Variants in CFAP161 observed in about 807,000 individuals in gnomAD.
CFAP161 encodes the protein cilia- and flagella-associated protein 161.
CFAP161 carries 25 observed loss-of-function variants against 29.0 expected under a neutral mutation model. The observed-to-expected ratio is 0.86, with a 90% CI of 0.63 to 1.20. CFAP161 has a LOEUF of 1.20. Among genes scored for constraint, CFAP161 ranks in the 50% most tolerant of loss-of-function variants. The pLI, the probability that CFAP161 is intolerant of heterozygous loss-of-function variation, is 0.00. For missense variants in CFAP161, 367 were observed against 371.9 expected (o/e 0.99, Z 0.11); for synonymous variants, 116 against 137.4 (o/e 0.84, Z 1.09).
At chr15:81,136,798 T>C (rs1452434307) in intron 3 of CFAP161, 50 bp downstream of exon 3, 3 of 1,502,324 alleles carry the variant, frequency 2.0e-6, no homozygotes, top group East Asian at 2.3e-5. Flanking sequence ...TATGTTTCAC[T>C]TGTAGCTTAA....
chr15:81,134,106 GT>G (rs1894763508), upstream of CFAP161: 7 of 542,932 alleles, frequency 1.3e-5, no homozygotes, highest in South Asian at 1.4e-4. Context: ...CCACCCTGCA[GT>G]TAAGGAAATC....
intron 5 of CFAP161, 72 bp from the exon 6 acceptor site, chr15:81,147,786 G>T: frequency 3.4e-6 from 4 of 1,183,514 alleles, no homozygotes; most frequent in Admixed American, 2.6e-5. Flanking sequence ...TTTGCTTTTA[G>T]GTAAGCTTTT....
intron 1 of CFAP161, among the ~76,000 whole-genome samples, chr15:81,114,634 T>G (rs1030143221): frequency 1.3e-5 from 2 of 152,206 alleles, no homozygotes; most frequent in Non-Finnish European, 2.9e-5. Flanking sequence ...TAAGTGCATA[T>G]TCATGGAGGT....
At chr15:81,105,094 C>CTCCT (rs1211210981) in intron 1 of CFAP161, among the ~76,000 whole-genome samples, 33 of 78,820 alleles carry the variant, frequency 4.2e-4, no homozygotes, top group Non-Finnish European at 6.7e-4. Context: ...TTTCTTTTCC[C>CTCCT]TCCCTCCCTC....
At chr15:81,106,360 C>T (rs903107028) in intron 1 of CFAP161, among the ~76,000 whole-genome samples, 37 of 152,300 alleles carry the variant, frequency 2.4e-4, no homozygotes, top group African/African-American at 7.7e-4. Flanking sequence ...ATCAGACTGA[C>T]GGGGTTTCAC....
At chr15:81,133,200 TATATATATATATATATATA>T (rs1567156294), upstream of CFAP161, among the ~76,000 whole-genome samples, 33 of 76,478 alleles carry the variant, frequency 4.3e-4, no homozygotes, top group African/African-American at 1.6e-3. Context: ...TATATATATA[TATATATATATATATATATA>T]TATATGTATT....
At position 81,138,108 on chromosome 15, in the gene CFAP161, G is replaced by A. The variant is rs1396252790; in HGVS notation, c.450G>A (p.Gly150=). ...VLRYGQDFCL[G]ITGGFDNKML... is the part of the protein sequence containing the mutation. ...GATATGGGCAGGACTTTTGCCTGGG[G>A]ATAACAGGAGGATTTGACAACAAAA... Residue 150 remains glycine, a synonymous_variant, in exon 4 of 7, where the codon GGG becomes GGA. Transcript: ENST00000286732. The A allele has an allele frequency of 6.2e-7, 1 of 1,612,994 alleles. No individual in the cohort carries two copies. The highest frequency in any genetic ancestry group is 8.5e-7 in the Non-Finnish European group (1 of 1,178,950).
intron 1 of CFAP161, among the ~76,000 whole-genome samples, chr15:81,101,526 CAAAAAAAA>C (rs527465471): frequency 1.1e-4 from 5 of 46,106 alleles, no homozygotes; most frequent in Non-Finnish European, 1.8e-4. Flanking sequence ...GACTCTGTCT[CAAAAAAAA>C]AAAAAAAAAA....
chr15:81,118,084 C>T, intron 1 of CFAP161: 1 of 531,530 alleles, frequency 1.9e-6, no homozygotes, highest in Non-Finnish European at 3.5e-6. Flanking sequence ...TTCCAAGGTG[C>T]TGATATCTTT....
intron 1 of CFAP161, 88 bp downstream of exon 1, chr15:81,134,486 A>G (rs539760578): frequency 1.5e-6 from 2 of 1,323,318 alleles, no homozygotes; most frequent in Non-Finnish European, 2.1e-6. Context: ...GAGCGCCTCA[A>G]GCCTCCTCTC....
upstream of CFAP161, among the ~76,000 whole-genome samples, chr15:81,131,600 A>C (rs2141874801): frequency 6.6e-6 from 1 of 152,338 alleles, no homozygotes; most frequent in South Asian, 2.1e-4. Flanking sequence ...AAAAATTTGC[A>C]AACTTGAAGA....
chr15:81,146,383 A>G (rs1256906163), intron 5 of CFAP161, among the ~76,000 whole-genome samples: 2 of 152,216 alleles, frequency 1.3e-5, no homozygotes, highest in African/African-American at 4.8e-5. Context: ...CAGTAGTTCC[A>G]TTTCCAGAGA....
rs201412100 is a variant in CFAP161, at chr15:81,143,792, G to T, written c.608G>T (p.Arg203Leu). 2.5e-6 allele frequency: 4 copies of T among 1,614,058 alleles called. No homozygotes were observed. The highest frequency in any genetic ancestry group is 3.4e-6 in the Non-Finnish European group (4 of 1,179,990). Residue 203 changes from arginine to leucine, a missense_variant, in exon 5 of 7, where the codon CGC becomes CTC. Arg to Leu is a moderately radical substitution (Grantham distance 102). Coordinates refer to ENST00000286732, the MANE Select transcript of CFAP161 (RefSeq NM_173528.4). ...WQAAFPDPQLRLEYEGFPVPA... is the reference protein window; with the variant it reads ...WQAAFPDPQLLLEYEGFPVPA... Reference sequence around the variant, plus strand: ...GCTGCCTTCCCTGACCCCCAGTTACGCCTGGAATATGAAGGCTTCCCCGTC... The same window carrying T: ...GCTGCCTTCCCTGACCCCCAGTTACTCCTGGAATATGAAGGCTTCCCCGTC...
intron 3 of CFAP161, 105 bp from the exon 4 acceptor site, chr15:81,137,946 C>CAA (rs60867938): frequency 8.9e-6 from 7 of 788,776 alleles, no homozygotes; most frequent in South Asian, 8.9e-5. Context: ...TATAAATTAT[C>CAA]AAAAAACTGA....
intron 1 of CFAP161, 105 bp downstream of exon 1, chr15:81,134,503 A>G (rs1894775288): frequency 4.4e-6 from 5 of 1,145,032 alleles, no homozygotes; most frequent in Non-Finnish European, 6.3e-6. Context: ...TCTCTCTCCC[A>G]GCATACAGCG....
chr15:81,104,261 G>C (rs1894336140), intron 1 of CFAP161, among the ~76,000 whole-genome samples: 1 of 152,240 alleles, frequency 6.6e-6, no homozygotes, highest in African/African-American at 2.4e-5. Context: ...GTCAAATGCT[G>C]CCAGGAGGCA....
chr15:81,110,386 G>GC (rs1269415568), intron 1 of CFAP161, among the ~76,000 whole-genome samples: 1 of 152,030 alleles, frequency 6.6e-6, no homozygotes, highest in Non-Finnish European at 1.5e-5. Flanking sequence ...ATGACTTGAA[G>GC]CCCCCCACTC....
At chr15:81,140,695 A>T (rs761290556) in intron 4 of CFAP161, among the ~76,000 whole-genome samples, 1 of 151,862 alleles carries the variant, frequency 6.6e-6, no homozygotes, top group Non-Finnish European at 1.5e-5. Context: ...AGTAGCTGGG[A>T]CCACAGGTGC....
intron 1 of CFAP161, among the ~76,000 whole-genome samples, chr15:81,124,558 A>C (rs957980286): frequency 1.3e-5 from 2 of 152,078 alleles, no homozygotes; most frequent in Non-Finnish European, 2.9e-5. Context: ...CCTCCTTTCT[A>C]ATTTTTTGGA....
Sources: allele counts gnomAD v4.1 joint callset (sites outside exome capture counted in the v4.1 genomes callset), GRCh38; gene constraint gnomAD v4.1.1; transcripts MANE v1.5; gene names NCBI Gene and HGNC (gene_info 2026-07-23, HGNC 2026-07-21).